The following SMARCAL1 variants were observed in gnomAD, a reference collection of about 807,000 sequenced individuals.
SMARCAL1 encodes the protein SNF2 related chromatin remodeling annealing helicase 1.
In SMARCAL1, 58 loss-of-function variants were observed where a neutral mutation model predicts 94.5. That is an observed-to-expected ratio of 0.61 (90% CI 0.50 to 0.76). The LOEUF (loss-of-function observed/expected upper bound fraction) is 0.76, where lower values mean the gene tolerates loss of function less well. Among genes scored for constraint, SMARCAL1 ranks in the 30% least tolerant of loss-of-function variants. The pLI, the probability that SMARCAL1 is intolerant of heterozygous loss-of-function variation, is 0.00. For missense variants in SMARCAL1, 1,051 were observed against 1,177.9 expected, an observed-to-expected ratio of 0.89 and a Z score of 1.58; for synonymous variants, 422 against 455.1, an observed-to-expected ratio of 0.93 and a Z score of 0.93.
intron 17 of SMARCAL1, among the ~76,000 whole-genome samples, chr2:216,481,416 TA>T (rs1381338452): frequency 6.6e-6 from 1 of 152,086 alleles, no homozygotes; most frequent in Non-Finnish European, 1.5e-5. Context: ...GGCTGGTCTC[TA>T]ATTCCTGAGC....
intron 15 of SMARCAL1, among the ~76,000 whole-genome samples, chr2:216,476,615 T>G (rs1695086177): frequency 6.6e-6 from 1 of 152,194 alleles, no homozygotes; most frequent in African/African-American, 2.4e-5. Flanking sequence ...ATCCAGCCCT[T>G]AAGTATTTAT....
At chr2:216,473,195 C>T (rs984256209) in intron 14 of SMARCAL1, among the ~76,000 whole-genome samples, 6 of 151,788 alleles carry the variant, frequency 4.0e-5, no homozygotes, top group African/African-American at 1.2e-4. Context: ...CTCTGGTCTA[C>T]GGTCTGTCAC....
At chr2:216,438,722 G>T (rs549219731) in intron 10 of SMARCAL1, among the ~76,000 whole-genome samples, 1 of 152,248 alleles carries the variant, frequency 6.6e-6, no homozygotes, top group Non-Finnish European at 1.5e-5. Flanking sequence ...CAGTAGTGCT[G>T]CCTTTGTCTC....
chr2:216,430,329 A>G (rs1271206420), intron 7 of SMARCAL1, among the ~76,000 whole-genome samples: 1 of 152,192 alleles, frequency 6.6e-6, no homozygotes, highest in Non-Finnish European at 1.5e-5. Flanking sequence ...AATTGAACAC[A>G]CCCATTAATT....
At position 216,427,718 on chromosome 2, in the gene SMARCAL1, T is replaced by C. The variant is rs532091906; in HGVS notation, c.1148-878T>C. On this transcript the variant is annotated intron_variant, in intron 6 of 17. Coordinates refer to ENST00000357276, the MANE Select transcript of SMARCAL1 (RefSeq NM_014140.4). Reference sequence around the variant, plus strand: ...GAGGAGAGAAATGGACTTAAATATATTGAAAATACAAAGCAATTGGAGGTA... The same window carrying C: ...GAGGAGAGAAATGGACTTAAATATACTGAAAATACAAAGCAATTGGAGGTA... 6.3e-4 allele frequency among the ~76,000 whole-genome samples: 96 copies of C among 152,332 alleles called. 1 individual carries two copies. Among genetic ancestry groups the C allele is most frequent in the Middle Eastern group, 3.4e-3 (1 of 294 alleles).
At chr2:216,474,879 A>G (rs11674260) in intron 14 of SMARCAL1, among the ~76,000 whole-genome samples, 4,616 of 152,326 alleles carry the variant, frequency 0.03, 103 homozygotes, top group Admixed American at 0.046. Context: ...GTTGTTGAGT[A>G]TCTTAACATT....
chr2:216,451,261 T>C, intron 12 of SMARCAL1, 197 bp downstream of exon 12: 1 of 615,170 alleles, frequency 1.6e-6, no homozygotes, highest in Non-Finnish European at 2.9e-6. Flanking sequence ...TATTAAGTTG[T>C]GGTTTTATAC....
chr2:216,474,481 G>A (rs2106085198), intron 14 of SMARCAL1, among the ~76,000 whole-genome samples: 1 of 148,908 alleles, frequency 6.7e-6, no homozygotes, highest in African/African-American at 2.4e-5. Flanking sequence ...TTGGCCAGGT[G>A]CAGTGGCTCA....
chr2:216,448,499 A>G (rs1231914186), intron 11 of SMARCAL1, among the ~76,000 whole-genome samples: 3 of 152,212 alleles, frequency 2.0e-5, no homozygotes, highest in African/African-American at 7.2e-5. Context: ...TTCTCCTGCC[A>G]GAAACTAAGG....
In SMARCAL1 at chr2:216,482,875, C is replaced by G. The variant is rs1312292199; in HGVS notation, c.2763C>G (p.Asn921Lys). Residue 921 changes from asparagine (N) to lysine (K), a missense_variant, in exon 18 of 18, where the codon AAC becomes AAG. Physicochemically the swap from Asn to Lys is moderately conservative, Grantham distance 94 (BLOSUM62 0). Around this residue, in one of 3 missense-constraint regions of SMARCAL1, gnomAD observed 642 missense variants for 754.7 expected, o/e 0.85. Coordinates refer to ENST00000357276, the MANE Select transcript of SMARCAL1 (RefSeq NM_014140.4). The surrounding 1 kb of genome is among the most constrained non-coding windows in gnomAD (Gnocchi z 4.3). ...ASGTSGSSSQ[N>K]MGDTLDESSL... ...GAACATCTGGAAGTAGTTCCCAGAA[C>G]ATGGGAGACACCCTGGATGAAAGCT... The G allele has an allele frequency of 1.9e-6, 3 of 1,614,052 alleles. No homozygotes were observed. In the South Asian group the frequency reaches 3.3e-5, roughly 18 times the overall value.
Position 216,420,507 on chromosome 2 carries a change from T to A in SMARCAL1, c.1071T>A (p.Phe357Leu), listed in dbSNP as rs776604578. The change falls in exon 5 of 18, where the codon TTT (phenylalanine) becomes TTA (leucine). Residue 357 changes from phenylalanine to leucine, a missense_variant. Phe to Leu is a conservative substitution (Grantham distance 22). This residue lies in a region of SMARCAL1 where 642 missense variants were observed against 754.7 expected (regional missense o/e 0.85). Transcript: ENST00000357276. ...ISYSQDLIAL[F>L]KQMDSRRYDV... ...ATTCACAGGACCTTATTGCGCTTTTTAAACAGATGGATTCCAGAAGATATG... is the reference window on the plus strand; with the variant it reads ...ATTCACAGGACCTTATTGCGCTTTTAAAACAGATGGATTCCAGAAGATATG... 6.2e-7 allele frequency: 1 copy of A among 1,614,064 alleles called. No homozygotes were observed. Among genetic ancestry groups the A allele is most frequent in the South Asian group, 1.1e-5 (1 of 91,088 alleles).
At chr2:216,462,154 C>G (rs537814021) in intron 12 of SMARCAL1, among the ~76,000 whole-genome samples, 1 of 152,344 alleles carries the variant, frequency 6.6e-6, no homozygotes, top group African/African-American at 2.4e-5. Context: ...TTTGTTTCTT[C>G]ATACTCTCAT....
rs767036014 is a variant in SMARCAL1, at chr2:216,428,645, G to A, written c.1197G>A (p.Thr399=). 1.2e-6 allele frequency: 2 copies of A among 1,613,982 alleles called. No individual in the cohort carries two copies. Among genetic ancestry groups the A allele is most frequent in the Admixed American group, 1.7e-5 (1 of 59,998 alleles). The change falls in exon 7 of 18, where the codon ACG becomes ACA. Residue 399 remains threonine, a synonymous_variant. Coordinates refer to ENST00000357276, the MANE Select transcript of SMARCAL1 (RefSeq NM_014140.4). Reference sequence around the variant, plus strand: ...AAGTTCAGCTGGACCCTCTGCCCACGACTCTCACCCTGGCGTTTGCTTCTC... The same window carrying A: ...AAGTTCAGCTGGACCCTCTGCCCACAACTCTCACCCTGGCGTTTGCTTCTC... The part of the protein sequence containing the change: ...LPQVQLDPLP[T]TLTLAFASQL...
intron 10 of SMARCAL1, among the ~76,000 whole-genome samples, chr2:216,441,580 T>C (rs928320457): frequency 6.6e-6 from 1 of 152,230 alleles, no homozygotes. Context: ...ATCCTCAGTA[T>C]CAGACATGCG....
intron 3 of SMARCAL1, chr2:216,415,842 T>TAACA: frequency 2.4e-6 from 1 of 417,810 alleles, no homozygotes; most frequent in Non-Finnish European, 4.4e-6. Context: ...TTTTAGTTTT[T>TAACA]AAGGTGATGG....
intron 6 of SMARCAL1, among the ~76,000 whole-genome samples, chr2:216,425,241 A>AGCCAGGTGC (rs1267779863): frequency 1.3e-5 from 2 of 152,222 alleles, no homozygotes; most frequent in African/African-American, 4.8e-5. Context: ...CACAGCACAT[A>AGCCAGGTGC]GCCAGGTGCG....
intron 4 of SMARCAL1, 42 bp from the exon 5 acceptor site, chr2:216,420,257 C>A: frequency 6.6e-7 from 1 of 1,508,862 alleles, no homozygotes. Flanking sequence ...ACATCATAGT[C>A]CCCTGCTTTA....
chr2:216,420,824 G>A (rs1047768351), intron 5 of SMARCAL1, among the ~76,000 whole-genome samples: 1 of 152,182 alleles, frequency 6.6e-6, no homozygotes, highest in Non-Finnish European at 1.5e-5. Context: ...AAACCCATCT[G>A]TTTTTATTTT....
chr2:216,459,709 T>A (rs1315998646), intron 12 of SMARCAL1, among the ~76,000 whole-genome samples: 6 of 151,998 alleles, frequency 3.9e-5, no homozygotes, highest in African/African-American at 1.4e-4. Context: ...GACTTAAATG[T>A]TAGACCTAAA....
Sources: allele counts gnomAD v4.1 joint callset (sites outside exome capture counted in the v4.1 genomes callset), GRCh38; gene constraint gnomAD v4.1.1; regional missense constraint gnomAD v4.1.1; non-coding constraint Gnocchi (gnomAD v3.1); transcripts MANE v1.5; gene names NCBI Gene and HGNC (gene_info 2026-07-23, HGNC 2026-07-21).